Variants in CDH4 observed in about 807,000 individuals in gnomAD.
CDH4 encodes cadherin-4.
Under a neutral mutation model 86.0 loss-of-function variants are expected in CDH4, and 33 were observed. That is an observed-to-expected ratio of 0.38 (90% CI 0.29 to 0.51). CDH4 has a LOEUF of 0.51. CDH4 is among the 20% of genes least tolerant of loss of function. CDH4 has a pLI of 0.86. For synonymous variants in CDH4, 555 were observed against 549.4 expected, an observed-to-expected ratio of 1.01 and a Z score of -0.14; for missense variants, 1,114 against 1,307.4, an observed-to-expected ratio of 0.85 and a Z score of 2.28.
intron 2 of CDH4, among the ~76,000 whole-genome samples, chr20:61,384,232 T>A (rs759672241): frequency 6.6e-6 from 1 of 152,124 alleles, no homozygotes; most frequent in Non-Finnish European, 1.5e-5. Context: ...CAGTACTTTG[T>A]ATCCTTCAAT....
intron 2 of CDH4, among the ~76,000 whole-genome samples, chr20:61,478,894 G>T (rs2085554012): frequency 6.6e-6 from 1 of 152,198 alleles, no homozygotes; most frequent in South Asian, 2.1e-4. Context: ...TGGCCATGCA[G>T]GTTTGCCTGC....
At chr20:61,305,753 G>C (rs774571022) in intron 2 of CDH4, among the ~76,000 whole-genome samples, 1 of 152,160 alleles carries the variant, frequency 6.6e-6, no homozygotes, top group Non-Finnish European at 1.5e-5. Flanking sequence ...TTGATCTGGA[G>C]CTTGTCATTT....
rs879616509 is a variant in CDH4, at chr20:61,565,226, G to GGTA, written c.170-178335_170-178334insAGT. 1.7e-3 allele frequency among the ~76,000 whole-genome samples: 78 copies of GGTA among 46,846 alleles called. 8 individuals are homozygous for GGTA. Among genetic ancestry groups the GGTA allele is most frequent in the South Asian group, 4.5e-3 (5 of 1,120 alleles). 30.7% of individuals were successfully genotyped at this position (46,846 alleles called of 152,430 possible). A position where few individuals can be genotyped will look rare whatever the true frequency, so the allele number is the denominator to read the frequency against. On this transcript the variant is annotated intron_variant, in intron 2 of 15. Coordinates refer to ENST00000614565, the MANE Select transcript of CDH4 (RefSeq NM_001794.5). ...GGTCGCGGTGCTCTCGGTGGTAGGT[G>GGTA]GTGGTGGTGGTGGTGGCGGTGCTCT... is the stretch of plus-strand genomic sequence containing the variant.
intron 2 of CDH4, among the ~76,000 whole-genome samples, chr20:61,384,163 AG>A (rs903558059): frequency 6.6e-6 from 1 of 152,126 alleles, no homozygotes; most frequent in Non-Finnish European, 1.5e-5. Context: ...TGCCTTTCCC[AG>A]CCCATTGACT....
chr20:61,429,586 G>T (rs74875375), intron 2 of CDH4, among the ~76,000 whole-genome samples: 4,325 of 151,972 alleles, frequency 0.028, 95 homozygotes, highest in Non-Finnish European at 0.044. Context: ...CAGATGGGTG[G>T]GTGGGTGGAT....
rs375622765 is a variant in CDH4 at position 61,809,680 on chromosome 20, A to G, written c.577-34988A>G. 3.3e-5 allele frequency among the ~76,000 whole-genome samples: 5 copies of G among 152,314 alleles called. No individual in the cohort carries two copies. The South Asian group carries it at 6.2e-4, about 19-fold the overall frequency. ...TGAGGAGGCCAAAGCTGGGAACTGG[A>G]GTTTTAATGCCAGGAGGGGTTCCGG... On this transcript the variant is annotated intron_variant, in intron 4 of 15. Transcript: ENST00000614565.
intron 6 of CDH4, among the ~76,000 whole-genome samples, chr20:61,853,707 T>A (rs376616877): frequency 6.6e-6 from 1 of 152,174 alleles, no homozygotes; most frequent in African/African-American, 2.4e-5. Flanking sequence ...CCCACAGGGC[T>A]GGCACAGCCC....
intron 2 of CDH4, among the ~76,000 whole-genome samples, chr20:61,268,949 G>A (rs922420059): frequency 6.6e-6 from 1 of 152,134 alleles, no homozygotes; most frequent in South Asian, 2.1e-4. Context: ...CGATTTGTGG[G>A]TGGGGACAGC....
chr20:61,322,757 ACACT>A (rs1260552974), intron 2 of CDH4, among the ~76,000 whole-genome samples: 1 of 152,198 alleles, frequency 6.6e-6, no homozygotes, highest in Non-Finnish European at 1.5e-5. Context: ...AGGGAGCGGA[ACACT>A]CACAACTGGA....
chr20:61,477,580 C>T (rs1269121759), intron 2 of CDH4, among the ~76,000 whole-genome samples: 1 of 152,214 alleles, frequency 6.6e-6, no homozygotes, highest in Non-Finnish European at 1.5e-5. Flanking sequence ...GTCCACATCC[C>T]GCCTTCCTTG....
rs752838009 is a variant in CDH4, at chr20:61,743,689, C to T, written c.296C>T (p.Ala99Val). The change falls in exon 3 of 16, where the codon GCG becomes GTG. Residue 99 changes from alanine (A) to valine (V), a missense_variant. Coordinates refer to ENST00000614565, the MANE Select transcript of CDH4 (RefSeq NM_001794.5). The stretch of plus-strand genomic sequence containing the variant: ...CTGCAGGTCCCCTCCGAGCAGGTGG[C>T]GTTCACGGTGACTGCATGGGACAGC... ...RELQVPSEQV[A>V]FTVTAWDSQT... The T allele has an allele frequency of 8.1e-6, 13 of 1,607,990 alleles. No homozygotes were observed. Among genetic ancestry groups the T allele is most frequent in the Middle Eastern group, 1.6e-4 (1 of 6,080 alleles).
chr20:61,773,478 C>T (rs2145987339), intron 4 of CDH4, among the ~76,000 whole-genome samples: 1 of 152,220 alleles, frequency 6.6e-6, no homozygotes, highest in East Asian at 1.9e-4. Flanking sequence ...TGGCCTTTGA[C>T]CTCTGACCCC....
At chr20:61,400,389 T>C (rs1210662672) in intron 2 of CDH4, among the ~76,000 whole-genome samples, 1 of 152,196 alleles carries the variant, frequency 6.6e-6, no homozygotes, top group Non-Finnish European at 1.5e-5. Flanking sequence ...AAAGTGATGC[T>C]GCACTGGGGG....
At chr20:61,803,037 G>C (rs1466104993) in intron 4 of CDH4, among the ~76,000 whole-genome samples, 1 of 152,236 alleles carries the variant, frequency 6.6e-6, no homozygotes, top group Non-Finnish European at 1.5e-5. Context: ...TTACCAACAG[G>C]TCTGGACAGC....
chr20:61,488,818 A>ACC (rs2085610466), intron 2 of CDH4, among the ~76,000 whole-genome samples: 1 of 152,182 alleles, frequency 6.6e-6, no homozygotes, highest in African/African-American at 2.4e-5. Context: ...GGTGCACCTA[A>ACC]AACAGTCACC....
chr20:61,604,162 C>T (rs1440789144), intron 2 of CDH4, among the ~76,000 whole-genome samples: 3 of 152,216 alleles, frequency 2.0e-5, no homozygotes, highest in Non-Finnish European at 2.9e-5. Flanking sequence ...TCCCGATTAG[C>T]TTTTGTGTCC....
chr20:61,266,588 C>T (rs1244056425), intron 2 of CDH4, among the ~76,000 whole-genome samples: 2 of 151,708 alleles, frequency 1.3e-5, no homozygotes, highest in Admixed American at 6.6e-5. Flanking sequence ...CAAGGAGAAA[C>T]GCAGGCTGCA....
chr20:61,912,005 C>T (rs1442876047), intron 9 of CDH4, among the ~76,000 whole-genome samples: 1 of 152,210 alleles, frequency 6.6e-6, no homozygotes, highest in Non-Finnish European at 1.5e-5. Flanking sequence ...GCACAATCAA[C>T]AGAAACCCTG....
chr20:61,432,040 C>T (rs1168271195), intron 2 of CDH4, among the ~76,000 whole-genome samples: 1 of 152,150 alleles, frequency 6.6e-6, no homozygotes, highest in Non-Finnish European at 1.5e-5. Context: ...GTATCCGTTC[C>T]CCTTCTGATG....
Sources: allele counts gnomAD v4.1 joint callset (sites outside exome capture counted in the v4.1 genomes callset), GRCh38; gene constraint gnomAD v4.1.1; transcripts MANE v1.5; gene names NCBI Gene and HGNC (gene_info 2026-07-23, HGNC 2026-07-21).